DPP6: variants seen among roughly 807,000 people sequenced by gnomAD.
DPP6 encodes the protein A-type potassium channel modulatory protein DPP6.
In DPP6, 69 loss-of-function variants were observed where a neutral mutation model predicts 122.6. The observed-to-expected ratio is 0.56, with a 90% CI of 0.46 to 0.69. The LOEUF is 0.69. Among genes scored for constraint, DPP6 ranks in the 30% least tolerant of loss-of-function variants. The pLI is 0.00. For synonymous variants in DPP6, 418 were observed against 433.1 expected (o/e 0.97, Z 0.43); for missense variants, 928 against 1,116.9 (o/e 0.83, Z 2.41).
At chr7:153,757,704 T>A in the DPP6 span, among the ~76,000 whole-genome samples, 1 of 152,284 alleles carries the variant, frequency 6.6e-6, no homozygotes, top group African/African-American at 2.4e-5. Context: ...ACACATGTAA[T>A]CCTAGCACTT....
chr7:154,271,560 T>G (rs1415042543), intron 1 of DPP6, among the ~76,000 whole-genome samples: 1 of 152,152 alleles, frequency 6.6e-6, no homozygotes, highest in East Asian at 1.9e-4. Context: ...CATCTTACCT[T>G]TGGCACTGGA....
intron 7 of DPP6, among the ~76,000 whole-genome samples, chr7:154,709,707 C>A (rs1046293034): frequency 6.6e-6 from 1 of 151,680 alleles, no homozygotes; most frequent in African/African-American, 2.4e-5. Context: ...CTCAAGCCAG[C>A]GGTTCACTTT....
At chr7:154,837,251 TCA>T (rs1323156835) in intron 16 of DPP6, among the ~76,000 whole-genome samples, 15 of 148,222 alleles carry the variant, frequency 1.0e-4, no homozygotes, top group Admixed American at 7.4e-4. Flanking sequence ...TAAGGCACAT[TCA>T]CACATGCACA....
chr7:154,329,866 A>G (rs1009741258), intron 1 of DPP6, among the ~76,000 whole-genome samples: 1 of 152,242 alleles, frequency 6.6e-6, no homozygotes, highest in African/African-American at 2.4e-5. Context: ...GAATGAGTTC[A>G]TGTCCTTTGC....
Position 154,501,667 on chromosome 7 carries a change from C to G in DPP6, c.457+26630C>G, listed in dbSNP as rs1048859478. Reference sequence around the variant, plus strand: ...AGATTTCAGAAGATGTATGGAAACACCTGGATGCCCAGGCAGAAGTTTGCT... The same window carrying G: ...AGATTTCAGAAGATGTATGGAAACAGCTGGATGCCCAGGCAGAAGTTTGCT... On this transcript the variant is annotated intron_variant, in intron 3 of 25. Transcript: ENST00000377770. Among the ~76,000 whole-genome samples, 6 of 152,220 alleles carry G rather than the reference C, an allele frequency of 3.9e-5. 1 individual carries two copies. Among genetic ancestry groups the G allele is most frequent in the Non-Finnish European group, 7.3e-5 (5 of 68,042 alleles).
chr7:154,892,622 G>A lies in DPP6; in HGVS notation c.*142G>A. The A allele has an allele frequency of 6.6e-7, 1 of 1,506,230 alleles. No homozygotes were observed. Among genetic ancestry groups the A allele is most frequent in the Non-Finnish European group, 8.9e-7 (1 of 1,119,562 alleles). 93.3% of individuals were successfully genotyped at this position (1,506,230 alleles called of 1,614,324 possible). ...TAGCATGTGTGTCTCGGATGCGGAAGGCAGTTTTGCTTGGGAAACAAGCTC... is the reference window on the plus strand; with the variant it reads ...TAGCATGTGTGTCTCGGATGCGGAAAGCAGTTTTGCTTGGGAAACAAGCTC... On this transcript the variant is annotated 3_prime_UTR_variant, in exon 26 of 26. Coordinates refer to ENST00000377770, the MANE Select transcript of DPP6 (RefSeq NM_130797.4).
At chr7:153,985,764 G>C (rs1257110864) in intron 1 of DPP6, among the ~76,000 whole-genome samples, 1 of 152,172 alleles carries the variant, frequency 6.6e-6, no homozygotes, top group Non-Finnish European at 1.5e-5. Context: ...ACATTTCCTA[G>C]ACGTGGGATT....
chr7:153,905,915 C>T (rs556244648), intron 1 of DPP6, among the ~76,000 whole-genome samples: 205 of 152,236 alleles, frequency 1.3e-3, no homozygotes, highest in Non-Finnish European at 2.0e-3. Flanking sequence ...CTAATAATAG[C>T]GAAGCCATAG....
At chr7:154,842,915 G>A (rs1044400174) in intron 16 of DPP6, among the ~76,000 whole-genome samples, 6 of 152,344 alleles carry the variant, frequency 3.9e-5, no homozygotes, top group South Asian at 4.1e-4. Flanking sequence ...CACCAGCCAC[G>A]AGGCAGGCTT....
intron 1 of DPP6, among the ~76,000 whole-genome samples, chr7:154,007,030 G>C (rs1377365727): frequency 2.6e-5 from 4 of 152,234 alleles, no homozygotes; most frequent in Non-Finnish European, 5.9e-5. Context: ...GCTGTGTACA[G>C]AGCCTGGTCA....
intron 1 of DPP6, among the ~76,000 whole-genome samples, chr7:154,112,581 G>A (rs1393503919): frequency 6.6e-6 from 1 of 151,764 alleles, no homozygotes; most frequent in Non-Finnish European, 1.5e-5. Flanking sequence ...GGAGGCAGAG[G>A]TTGCAGTGAA....
rs1207635218 is a variant in DPP6 at position 154,063,217 on chromosome 7, G to A, written c.243+10154G>A. On this transcript the variant is annotated intron_variant, in intron 1 of 25. Transcript: ENST00000377770. ...CGCAGGGTTGGGGAGGCACCCCCCC[G>A]CGAGGCAGGGACTGAGAGCCAGCCC... 2.0e-4 allele frequency among the ~76,000 whole-genome samples: 24 copies of A among 122,092 alleles called. 1 individual carries two copies. Among genetic ancestry groups the A allele is most frequent in the Admixed American group, 7.7e-4 (9 of 11,754 alleles). The allele number at this position is 122,092 out of a possible 152,430, so 80.1% of individuals were successfully genotyped here.
At chr7:154,148,919 C>A (rs966153640) in intron 1 of DPP6, among the ~76,000 whole-genome samples, 8 of 152,272 alleles carry the variant, frequency 5.3e-5, no homozygotes, top group Middle Eastern at 6.8e-3. Context: ...GGGTTTGCAC[C>A]ATCATCCTGG....
At chr7:154,276,371 G>A (rs1804128472) in intron 1 of DPP6, among the ~76,000 whole-genome samples, 1 of 152,132 alleles carries the variant, frequency 6.6e-6, no homozygotes, top group Admixed American at 6.5e-5. Flanking sequence ...GAGTCACAGT[G>A]GGTGTGACAT....
At chr7:153,847,082 C>T in the DPP6 span, among the ~76,000 whole-genome samples, 3 of 152,102 alleles carry the variant, frequency 2.0e-5, no homozygotes, top group African/African-American at 4.8e-5. Flanking sequence ...TTGATTTAGC[C>T]ATCTCCAACT....
intron 7 of DPP6, among the ~76,000 whole-genome samples, chr7:154,692,095 A>T (rs955804302): frequency 2.0e-5 from 3 of 152,176 alleles, no homozygotes; most frequent in African/African-American, 7.2e-5. Context: ...TAAAGGCAAT[A>T]ACTTATAGGC....
At chr7:154,594,648 C>A (rs1300625570) in intron 5 of DPP6, among the ~76,000 whole-genome samples, 3 of 152,158 alleles carry the variant, frequency 2.0e-5, no homozygotes, top group African/African-American at 7.2e-5. Flanking sequence ...CTGATTCCCA[C>A]CTTTAAGTAT....
chr7:154,734,445 A>G (rs1842484712), intron 8 of DPP6, among the ~76,000 whole-genome samples: 1 of 152,222 alleles, frequency 6.6e-6, no homozygotes. Context: ...CAGGTAGTAG[A>G]TCAAAGTGGA....
the DPP6 span, among the ~76,000 whole-genome samples, chr7:153,816,863 A>G: frequency 7.0e-3 from 1,060 of 152,170 alleles, 46 homozygotes; most frequent in Admixed American, 0.067. Context: ...GGCAACTCTT[A>G]CCAAGCCTCT....
Sources: gnomAD v4.1 joint callset for allele counts (sites outside exome capture counted in the v4.1 genomes callset) on GRCh38, gnomAD v4.1.1 for gene constraint, MANE v1.5 for transcripts, NCBI Gene and HGNC (gene_info 2026-07-23, HGNC 2026-07-21) for gene names.